Variants in PFKFB3 observed in about 807,000 individuals in gnomAD.
PFKFB3 encodes 6-phosphofructo-2-kinase/fructose-2,6-biphosphatase 3.
In PFKFB3, 33 loss-of-function variants were observed where a neutral mutation model predicts 68.0. That is an observed-to-expected ratio of 0.49 (90% CI 0.37 to 0.65). PFKFB3 has a LOEUF of 0.65. Ranked by LOEUF, PFKFB3 falls within the 30% of genes least tolerant of loss-of-function variation. The pLI is 0.00. For missense variants in PFKFB3, 586 were observed against 712.2 expected (o/e 0.82, Z 2.02); for synonymous variants, 315 against 288.2 (o/e 1.09, Z -0.94).
At chr10:6,172,917 C>T (rs669534) in intron 1 of PFKFB3, among the ~76,000 whole-genome samples, 1 of 151,948 alleles carries the variant, frequency 6.6e-6, no homozygotes, top group Non-Finnish European at 1.5e-5. Flanking sequence ...CGCATCTGTC[C>T]TCTGTCCTGA....
At chr10:6,224,076 T>C in intron 12 of PFKFB3, 56 bp downstream of exon 12, 7 of 1,607,922 alleles carry the variant, frequency 4.4e-6, no homozygotes, top group Non-Finnish European at 6.0e-6. Flanking sequence ...CAGTAGCTTC[T>C]TGTGGCCGTG....
the PFKFB3 span, among the ~76,000 whole-genome samples, chr10:6,285,957 G>T: frequency 6.9e-6 from 1 of 145,442 alleles, no homozygotes; most frequent in African/African-American, 2.5e-5. Context: ...TTCATCTGTT[G>T]ACCATCCTTT....
upstream of PFKFB3, chr10:6,197,879 CTCTG>C (rs370264956): frequency 3.3e-5 from 5 of 152,146 alleles, no homozygotes; most frequent in African/African-American, 4.8e-5. Context: ...AATCTTATAT[CTCTG>C]TCTGTCATAA....
At position 6,229,594 on chromosome 10, in the gene PFKFB3, G is replaced by A. The variant is rs563216211; in HGVS notation, c.1515+3229G>A. ...GCCTGCCCTTAACTTCCAGCTTCTT[G>A]GGGCGCACCCTCCATCCTCAGGGCC... On this transcript the variant is annotated intron_variant, in intron 14 of 14. Coordinates refer to ENST00000379775, the MANE Select transcript of PFKFB3 (RefSeq NM_004566.4). The surrounding 1 kb of genome is among the most constrained non-coding windows in gnomAD (Gnocchi z 4.3). 8.1e-5 allele frequency among the ~76,000 whole-genome samples: 12 copies of A among 147,684 alleles called. No homozygotes were observed. Among genetic ancestry groups the A allele is most frequent in the South Asian group, 2.1e-4 (1 of 4,830 alleles).
In PFKFB3 at chr10:6,179,462, C is replaced by T. The variant is rs532827330; in HGVS notation, c.17-34161C>T. On this transcript the variant is annotated intron_variant, in intron 1 of 14. Coordinates refer to the PFKFB3 transcript ENST00000379789. ...TTCTGTGCTGGACAACCCCCAGCTG[C>T]AAGGGGCAGGAATGGAGCATGGGGG... 6.8e-4 allele frequency among the ~76,000 whole-genome samples: 104 copies of T among 152,296 alleles called. 1 individual carries two copies. Among genetic ancestry groups the T allele is most frequent in the African/African-American group, 2.4e-3 (101 of 41,552 alleles).
At chr10:6,146,006 A>G (rs1194297312) in intron 1 of PFKFB3, among the ~76,000 whole-genome samples, 1 of 152,106 alleles carries the variant, frequency 6.6e-6, no homozygotes, top group Non-Finnish European at 1.5e-5. Context: ...TTGACTTTCA[A>G]ATCAGAGTTG....
At chr10:6,292,956 C>A in the PFKFB3 span, 34 of 194,310 alleles carry the variant, frequency 1.7e-4, no homozygotes, top group Non-Finnish European at 2.4e-4. Context: ...CAGTAAGATT[C>A]CCAGCCATAA....
chr10:6,211,838 T>C (rs1844251279), intron 1 of PFKFB3, among the ~76,000 whole-genome samples: 1 of 152,230 alleles, frequency 6.6e-6, no homozygotes, highest in Non-Finnish European at 1.5e-5. Context: ...AGGCCACTAA[T>C]GGTCTCCAAA....
At chr10:6,212,620 C>T (rs1463770926) in intron 1 of PFKFB3, among the ~76,000 whole-genome samples, 1 of 152,130 alleles carries the variant, frequency 6.6e-6, no homozygotes, top group Admixed American at 6.5e-5. Context: ...CATTCTGCCT[C>T]CCTGACCTAC....
At chr10:6,222,416 T>A (rs1185999627) in intron 10 of PFKFB3, among the ~76,000 whole-genome samples, 1 of 152,246 alleles carries the variant, frequency 6.6e-6, no homozygotes, top group Non-Finnish European at 1.5e-5. Context: ...CATGTTAGTG[T>A]ACTCACAGTG....
chr10:6,243,925 A>G (rs535009982), intron 14 of PFKFB3, among the ~76,000 whole-genome samples: 1 of 152,108 alleles, frequency 6.6e-6, no homozygotes, highest in African/African-American at 2.4e-5. Flanking sequence ...GGGCCTCACT[A>G]TGTTGCCCAG....
At chr10:6,225,754 C>CGG (rs1554853483) in intron 13 of PFKFB3, among the ~76,000 whole-genome samples, 7 of 151,772 alleles carry the variant, frequency 4.6e-5, no homozygotes, top group Non-Finnish European at 7.4e-5. Flanking sequence ...GATCCTGCCT[C>CGG]GGGTCAGCGG....
downstream of PFKFB3, among the ~76,000 whole-genome samples, chr10:6,236,137 T>C (rs74112210): frequency 2.0e-5 from 3 of 152,170 alleles, no homozygotes; most frequent in African/African-American, 7.2e-5. Flanking sequence ...TCTTGCCTCA[T>C]TGGCACTACA....
chr10:6,251,174 A>G (rs1441343105), intron 14 of PFKFB3, among the ~76,000 whole-genome samples: 3 of 152,178 alleles, frequency 2.0e-5, no homozygotes, highest in Non-Finnish European at 4.4e-5. Context: ...TAGACTTTGG[A>G]TATTCAGAAG....
Position 6,154,834 on chromosome 10 carries a change from C to T in PFKFB3, c.16+9821C>T, listed in dbSNP as rs1219287522. On this transcript the variant is annotated intron_variant, in intron 1 of 14. Transcript: ENST00000379789. The surrounding 1 kb of genome is among the most constrained non-coding windows in gnomAD (Gnocchi z 4.6). ...GGGGAGACGCTGGGAGCCAGGTGGCCGAGGCGGTCGAGGCCTGGGTTGTAG... is the reference window on the plus strand; with the variant it reads ...GGGGAGACGCTGGGAGCCAGGTGGCTGAGGCGGTCGAGGCCTGGGTTGTAG... Among the ~76,000 whole-genome samples the T allele has an allele frequency of 2.6e-5, 4 of 152,180 alleles. No homozygotes were observed. Among genetic ancestry groups the T allele is most frequent in the Non-Finnish European group, 4.4e-5 (3 of 68,024 alleles).
At chr10:6,323,079 C>T in the PFKFB3 span, among the ~76,000 whole-genome samples, 3 of 152,298 alleles carry the variant, frequency 2.0e-5, no homozygotes, top group Non-Finnish European at 1.5e-5. Context: ...TTCATCATGA[C>T]CTCGGAGGCC....
the PFKFB3 span, among the ~76,000 whole-genome samples, chr10:6,278,093 T>G: frequency 6.6e-6 from 1 of 151,494 alleles, no homozygotes; most frequent in Non-Finnish European, 1.5e-5. Context: ...AATTTTTGTA[T>G]TTTTAGTAGA....
upstream of PFKFB3, among the ~76,000 whole-genome samples, chr10:6,198,513 C>T (rs562198044): frequency 2.0e-5 from 3 of 152,272 alleles, no homozygotes; most frequent in African/African-American, 4.8e-5. Context: ...GACAGAGTCT[C>T]GCTCTGTCAC....
At chr10:6,152,670 A>G (rs1841631283) in intron 1 of PFKFB3, among the ~76,000 whole-genome samples, 1 of 152,014 alleles carries the variant, frequency 6.6e-6, no homozygotes, top group South Asian at 2.1e-4. Context: ...TGAGCCCAGG[A>G]GAGTGAGACC....
Sources: allele counts gnomAD v4.1 joint callset (sites outside exome capture counted in the v4.1 genomes callset), GRCh38; gene constraint gnomAD v4.1.1; non-coding constraint Gnocchi (gnomAD v3.1); transcripts MANE v1.5; gene names NCBI Gene and HGNC (gene_info 2026-07-23, HGNC 2026-07-21).